GLRA1: variants seen among roughly 807,000 people sequenced by gnomAD.
GLRA1 encodes the protein glycine receptor subunit alpha-1.
Under a neutral mutation model 48.3 loss-of-function variants are expected in GLRA1, and 37 were observed. That is an observed-to-expected ratio of 0.77 (90% CI 0.59 to 1.01). GLRA1 has a LOEUF of 1.01. Ranked by LOEUF, GLRA1 falls within the 50% of genes least tolerant of loss-of-function variation. The pLI is 0.00. For missense variants in GLRA1, 427 were observed against 571.0 expected, an observed-to-expected ratio of 0.75 and a Z score of 2.57; for synonymous variants, 196 against 210.7, an observed-to-expected ratio of 0.93 and a Z score of 0.60.
At chr5:151,832,045 G>C (rs1329289687) in intron 7 of GLRA1, among the ~76,000 whole-genome samples, 3 of 152,196 alleles carry the variant, frequency 2.0e-5, no homozygotes, top group African/African-American at 7.2e-5. Context: ...CAGCAGACCT[G>C]CAGCTCAGAG....
At chr5:151,849,456 C>CT (rs577318905) in intron 7 of GLRA1, among the ~76,000 whole-genome samples, 407 of 29,386 alleles carry the variant, frequency 0.014, 5 homozygotes, top group Non-Finnish European at 0.016. Flanking sequence ...CTTTCCTTTC[C>CT]TTCCTTCCTT....
chr5:151,862,134 A>C (rs1277646307), intron 3 of GLRA1, among the ~76,000 whole-genome samples: 2 of 152,172 alleles, frequency 1.3e-5, no homozygotes, highest in East Asian at 3.8e-4. Context: ...CCACACATCT[A>C]CAACCATCTG....
At chr5:151,896,656 C>A (rs1025970756) in intron 1 of GLRA1, among the ~76,000 whole-genome samples, 1 of 152,154 alleles carries the variant, frequency 6.6e-6, no homozygotes, top group Non-Finnish European at 1.5e-5. Context: ...ATGTTATTTA[C>A]CAGCTGTTTC....
chr5:151,876,417 G>GA (rs1561567528), intron 3 of GLRA1, among the ~76,000 whole-genome samples: 1 of 151,916 alleles, frequency 6.6e-6, no homozygotes, highest in African/African-American at 2.4e-5. Context: ...TAGAAAAAAA[G>GA]AAAAAAGAAA....
chr5:151,902,878 C>G (rs556887785), intron 1 of GLRA1, among the ~76,000 whole-genome samples: 1 of 152,264 alleles, frequency 6.6e-6, no homozygotes, highest in African/African-American at 2.4e-5. Context: ...ATAATTTATC[C>G]AGGTTCACCT....
At chr5:151,857,698 C>T (rs1431732744) in intron 4 of GLRA1, among the ~76,000 whole-genome samples, 1 of 152,160 alleles carries the variant, frequency 6.6e-6, no homozygotes, top group Non-Finnish European at 1.5e-5. Flanking sequence ...GTTGTTCAAC[C>T]CTGACAGAGG....
At chr5:151,918,098 A>T (rs1175482221) in intron 1 of GLRA1, among the ~76,000 whole-genome samples, 4 of 152,164 alleles carry the variant, frequency 2.6e-5, no homozygotes, top group African/African-American at 9.7e-5. Context: ...AGAAAATCAC[A>T]AAGGGATCCT....
chr5:151,919,930 C>T (rs978258672), intron 1 of GLRA1, among the ~76,000 whole-genome samples: 5 of 152,252 alleles, frequency 3.3e-5, no homozygotes, highest in Admixed American at 3.3e-4. Flanking sequence ...ATGACGCCCA[C>T]ATAAATGTGA....
At chr5:151,914,001 T>G (rs1252493633) in intron 1 of GLRA1, among the ~76,000 whole-genome samples, 1 of 152,234 alleles carries the variant, frequency 6.6e-6, no homozygotes, top group Admixed American at 6.5e-5. Flanking sequence ...TTTACATGTA[T>G]TTTAGTTTCA....
intron 7 of GLRA1, among the ~76,000 whole-genome samples, chr5:151,843,582 T>G (rs922385386): frequency 4.6e-5 from 7 of 152,170 alleles, no homozygotes; most frequent in Middle Eastern, 3.4e-3. Flanking sequence ...AATTTATATT[T>G]GTGTTCAAAT....
intron 1 of GLRA1, among the ~76,000 whole-genome samples, chr5:151,894,363 C>A (rs1488308424): frequency 1.3e-5 from 2 of 152,178 alleles, no homozygotes; most frequent in Non-Finnish European, 2.9e-5. Context: ...TCCTCATTTG[C>A]AAACATTTGT....
At position 151,881,152 on chromosome 5, in the gene GLRA1, A is replaced by G. The variant is rs80069790; in HGVS notation, c.252+5569T>C. On this transcript the variant is annotated intron_variant, in intron 3 of 8. Coordinates refer to ENST00000274576, the MANE Select transcript of GLRA1 (RefSeq NM_000171.4). Reference sequence around the variant, plus strand: ...TCCCTCAGTATATACCTCCACATACATACTACACAGATCCATAGATGCTCC... The same window carrying G: ...TCCCTCAGTATATACCTCCACATACGTACTACACAGATCCATAGATGCTCC... Among the ~76,000 whole-genome samples, 205 of 152,306 alleles carry G rather than the reference A, an allele frequency of 1.3e-3. 2 individuals are homozygous for G. In the East Asian group the frequency reaches 0.014, roughly 10 times the overall value.
chr5:151,883,218 C>G (rs1561570591), intron 3 of GLRA1, among the ~76,000 whole-genome samples: 1 of 152,174 alleles, frequency 6.6e-6, no homozygotes, highest in African/African-American at 2.4e-5. Flanking sequence ...TCTTTCTACT[C>G]CAGGAGACCA....
intron 1 of GLRA1, 69 bp from the exon 2 acceptor site, chr5:151,892,507 C>T: frequency 6.6e-7 from 1 of 1,521,144 alleles, no homozygotes; most frequent in Non-Finnish European, 9.1e-7. Flanking sequence ...AGATCCCAGC[C>T]TTGTCCAACC....
intron 3 of GLRA1, among the ~76,000 whole-genome samples, chr5:151,879,238 G>A (rs1753700923): frequency 6.6e-6 from 1 of 151,990 alleles, no homozygotes; most frequent in South Asian, 2.1e-4. Context: ...GGGGCCTGTA[G>A]CCCCTTTGTT....
chr5:151,912,647 C>T (rs1382046256), intron 1 of GLRA1, among the ~76,000 whole-genome samples: 1 of 152,184 alleles, frequency 6.6e-6, no homozygotes, highest in Non-Finnish European at 1.5e-5. Context: ...TGGAATCTTT[C>T]AGGTCCTGGG....
intron 2 of GLRA1, among the ~76,000 whole-genome samples, chr5:151,887,678 T>C (rs184934247): frequency 1.4e-4 from 21 of 152,336 alleles, no homozygotes; most frequent in African/African-American, 4.6e-4. Flanking sequence ...TAATGGCTAT[T>C]CTGTAGGAAA....
rs533620830 is a variant in GLRA1, at chr5:151,830,332, G to A, written c.913-1265C>T. Among the ~76,000 whole-genome samples the A allele has an allele frequency of 3.3e-5, 5 of 152,296 alleles. No individual in the cohort carries two copies. In the South Asian group the frequency reaches 1.0e-3, roughly 32 times the overall value. ...TTTTCTTTGAGGACATTTTTCAAAA[G>A]CAATCAATAGTAATTGCCACCTGAG... On this transcript the variant is annotated intron_variant, in intron 7 of 8. Transcript: ENST00000274576.
chr5:151,825,681 T>C (rs1449765416), intron 8 of GLRA1, among the ~76,000 whole-genome samples: 2 of 152,186 alleles, frequency 1.3e-5, no homozygotes, highest in Admixed American at 6.5e-5. Context: ...CTCACAGATA[T>C]GGTTTCCTGA....
Sources: allele counts gnomAD v4.1 joint callset (sites outside exome capture counted in the v4.1 genomes callset), GRCh38; gene constraint gnomAD v4.1.1; transcripts MANE v1.5; gene names NCBI Gene and HGNC (gene_info 2026-07-23, HGNC 2026-07-21).